Variants in FDFT1 observed in about 807,000 individuals in gnomAD.
FDFT1 encodes squalene synthase.
FDFT1 carries 68 observed loss-of-function variants against 46.8 expected under a neutral mutation model. That is an observed-to-expected ratio of 1.45 (90% CI 1.19 to 1.78). The LOEUF is 1.78. Ranked by LOEUF, FDFT1 falls within the 40% of genes most tolerant of loss-of-function variation. The pLI, the probability that FDFT1 is intolerant of heterozygous loss-of-function variation, is 0.00. For missense variants in FDFT1, 928 were observed against 524.4 expected, an observed-to-expected ratio of 1.77 and a Z score of -7.52; for synonymous variants, 351 against 185.1, an observed-to-expected ratio of 1.90 and a Z score of -7.28.
At chr8:11,832,288 C>G (rs1810910581) in intron 7 of FDFT1, among the ~76,000 whole-genome samples, 2 of 152,134 alleles carry the variant, frequency 1.3e-5, no homozygotes, top group Admixed American at 1.3e-4. Context: ...GGCACAGTAG[C>G]TTACTCCTGA....
At chr8:11,818,130 T>G (rs1266230195) in intron 3 of FDFT1, among the ~76,000 whole-genome samples, 2 of 152,252 alleles carry the variant, frequency 1.3e-5, no homozygotes, top group Non-Finnish European at 2.9e-5. Flanking sequence ...CCAGTAGTCA[T>G]TCAGGAGCAG....
intron 7 of FDFT1, among the ~76,000 whole-genome samples, chr8:11,835,307 C>T (rs147999911): frequency 6.6e-6 from 1 of 152,140 alleles, no homozygotes; most frequent in Non-Finnish European, 1.5e-5. Context: ...GGGGTTTGGT[C>T]TAGCAACGAA....
chr8:11,802,755 A>G lies in FDFT1; in HGVS notation c.-78A>G. 2 of 1,158,898 alleles carry G rather than the reference A, an allele frequency of 1.7e-6. No homozygotes were observed. The highest frequency in any genetic ancestry group is 2.5e-5 in the East Asian group (1 of 39,836). The allele number at this position is 1,158,898 out of a possible 1,614,324, so 71.8% of individuals were successfully genotyped here. ...GCCAGCCCCTCGAAGCACCTACTCC[A>G]CAGGTCCAGCCGGCCGGTGAGCGCC... On this transcript the variant is annotated 5_prime_UTR_variant, in exon 1 of 8. Transcript: ENST00000220584.
In FDFT1 at chr8:11,824,499, C is replaced by T. The variant is rs546568636; in HGVS notation, c.511-1525C>T. Among the ~76,000 whole-genome samples the T allele has an allele frequency of 3.9e-4, 59 of 152,296 alleles. No homozygotes were observed. The South Asian group carries it at 0.01, about 26-fold the overall frequency. ...GAACTCTTAGCCCCTGCCACAGACA[C>T]GGCAGCCCCTTGAACCTTCCTGGGT... On this transcript the variant is annotated intron_variant, in intron 4 of 7. Transcript: ENST00000220584.
intron 2 of FDFT1, 58 bp downstream of exon 2, chr8:11,808,949 T>C: frequency 6.3e-7 from 1 of 1,578,456 alleles, no homozygotes; most frequent in East Asian, 2.3e-5. Context: ...GACCTTTGAG[T>C]GTGTTGGAAG....
chr8:11,818,739 A>C (rs959350032), intron 3 of FDFT1, among the ~76,000 whole-genome samples: 1 of 151,754 alleles, frequency 6.6e-6, no homozygotes, highest in African/African-American at 2.4e-5. Flanking sequence ...TTTTGAGCCT[A>C]TGTGCATCTC....
intron 3 of FDFT1, among the ~76,000 whole-genome samples, chr8:11,815,847 G>C (rs1808368406): frequency 6.6e-6 from 1 of 152,068 alleles, no homozygotes; most frequent in South Asian, 2.1e-4. Flanking sequence ...AGTTTCTTTT[G>C]CTGTGCAGAA....
chr8:11,811,728 A>G lies in FDFT1; in HGVS notation c.381+1878A>G, dbSNP rs564503043. On this transcript the variant is annotated intron_variant, in intron 3 of 7. Coordinates refer to ENST00000220584, the MANE Select transcript of FDFT1 (RefSeq NM_004462.5). Reference sequence around the variant, plus strand: ...AAAGCACAGTTGCCCCGGGAAGAGTAAAAGGGAGCAGAAGGCGTAAGCCAG... The same window carrying G: ...AAAGCACAGTTGCCCCGGGAAGAGTGAAAGGGAGCAGAAGGCGTAAGCCAG... Among the ~76,000 whole-genome samples, 11 of 152,388 alleles carry G rather than the reference A, an allele frequency of 7.2e-5. No homozygotes were observed. The South Asian group carries it at 2.3e-3, about 32-fold the overall frequency.
At chr8:11,810,205 G>C (rs893727231) in intron 3 of FDFT1, among the ~76,000 whole-genome samples, 1 of 152,210 alleles carries the variant, frequency 6.6e-6, no homozygotes, top group Non-Finnish European at 1.5e-5. Context: ...ATCAGTATTG[G>C]AAGTCCAGTG....
chr8:11,805,447 A>C (rs910726744), intron 1 of FDFT1, among the ~76,000 whole-genome samples: 1 of 152,212 alleles, frequency 6.6e-6, no homozygotes. Flanking sequence ...AATCAGGCAG[A>C]TCTGGCTCCT....
chr8:11,800,630 C>G (rs980463405), upstream of FDFT1, among the ~76,000 whole-genome samples: 3 of 152,168 alleles, frequency 2.0e-5, no homozygotes, highest in African/African-American at 7.2e-5. Flanking sequence ...CTTTCTTGGA[C>G]CACTATAAGC....
chr8:11,809,960 G>A, intron 3 of FDFT1, 110 bp downstream of exon 3: 1 of 811,022 alleles, frequency 1.2e-6, no homozygotes, highest in South Asian at 2.1e-5. Context: ...CATTCTGAGG[G>A]CAGCATAATG....
chr8:11,826,660 C>A (rs559135263), intron 5 of FDFT1, among the ~76,000 whole-genome samples: 6 of 152,146 alleles, frequency 3.9e-5, no homozygotes, highest in African/African-American at 1.4e-4. Context: ...CTAAAAAATA[C>A]AAAAATTAGC....
At chr8:11,801,895 T>A (rs531902554), upstream of FDFT1, 15 of 449,330 alleles carry the variant, frequency 3.3e-5, no homozygotes, top group South Asian at 2.3e-4. Context: ...TTCACCATGT[T>A]GGCCAGGATG....
chr8:11,820,265 C>G (rs56151220), intron 3 of FDFT1, among the ~76,000 whole-genome samples: 2,973 of 152,230 alleles, frequency 0.02, 44 homozygotes, highest in Middle Eastern at 0.048. Context: ...TCGGCCCCTA[C>G]TGGGAGGTGT....
chr8:11,820,481 TTGCTGAGC>T (rs75761865), intron 3 of FDFT1, among the ~76,000 whole-genome samples: 39,616 of 151,348 alleles, frequency 0.26, 5,960 homozygotes, highest in East Asian at 0.76. Flanking sequence ...GCAGTAGGCC[TTGCTGAGC>T]TGCGGTGGGC....
chr8:11,803,473 A>G (rs2130668744), intron 1 of FDFT1: 1 of 1,266,956 alleles, frequency 7.9e-7, no homozygotes, highest in African/African-American at 1.5e-5. Context: ...TCCAAGTTCC[A>G]ATGAGTTATC....
At chr8:11,806,754 C>G (rs1287177209) in intron 1 of FDFT1, among the ~76,000 whole-genome samples, 1 of 152,126 alleles carries the variant, frequency 6.6e-6, no homozygotes, top group Non-Finnish European at 1.5e-5. Flanking sequence ...TATTCTGTTT[C>G]TTTCACTCTG....
chr8:11,833,728 G>T (rs1432074354), intron 7 of FDFT1, among the ~76,000 whole-genome samples: 1 of 152,188 alleles, frequency 6.6e-6, no homozygotes, highest in Non-Finnish European at 1.5e-5. Flanking sequence ...CAATGTGACG[G>T]CCGAGTTGAG....
Sources: gnomAD v4.1 joint callset for allele counts (sites outside exome capture counted in the v4.1 genomes callset) on GRCh38, gnomAD v4.1.1 for gene constraint, MANE v1.5 for transcripts, NCBI Gene and HGNC (gene_info 2026-07-23, HGNC 2026-07-21) for gene names.